The following GNA14 variants were observed in gnomAD, a reference collection of about 807,000 sequenced individuals.
GNA14 encodes G protein subunit alpha 14.
GNA14 carries 50 observed loss-of-function variants against 42.0 expected under a neutral mutation model. The ratio of observed to expected loss-of-function variants is 1.19; its 90% CI spans 0.95 to 1.51. The LOEUF (loss-of-function observed/expected upper bound fraction) is 1.51, where lower values mean the gene tolerates loss of function less well. GNA14 is among the 40% of genes most tolerant of loss of function. The pLI, the probability that GNA14 is intolerant of heterozygous loss-of-function variation, is 0.00. For missense variants in GNA14, 473 were observed against 446.2 expected, an observed-to-expected ratio of 1.06 and a Z score of -0.54; for synonymous variants, 173 against 163.1, an observed-to-expected ratio of 1.06 and a Z score of -0.46.
At position 77,476,228 on chromosome 9, in the gene GNA14, T is replaced by G. The variant is rs74959964; in HGVS notation, c.310-41706A>C. 3.4e-3 allele frequency among the ~76,000 whole-genome samples: 517 copies of G among 152,284 alleles called. 4 individuals carry two copies. The highest frequency in any genetic ancestry group is 6.8e-3 in the Middle Eastern group (2 of 294). ...GAAATGATTCAGATTTTAGATTTTC[T>G]AAAATACTGAAATGACAAAATCACA... On this transcript the variant is annotated intron_variant, in intron 2 of 6. Coordinates refer to ENST00000341700, the MANE Select transcript of GNA14 (RefSeq NM_004297.4).
At chr9:77,482,483 T>C (rs992216242) in intron 2 of GNA14, among the ~76,000 whole-genome samples, 63 of 152,198 alleles carry the variant, frequency 4.1e-4, no homozygotes, top group African/African-American at 1.4e-3. Context: ...TGGCTGCCCT[T>C]AACATTTTTT....
chr9:77,564,388 A>G (rs2131791038), intron 1 of GNA14, among the ~76,000 whole-genome samples: 1 of 152,292 alleles, frequency 6.6e-6, no homozygotes, highest in East Asian at 1.9e-4. Context: ...ACTTTAAAAA[A>G]GCTTCCCTGG....
At chr9:77,503,776 A>T (rs1837013478) in intron 2 of GNA14, among the ~76,000 whole-genome samples, 1 of 151,154 alleles carries the variant, frequency 6.6e-6, no homozygotes, top group African/African-American at 2.4e-5. Context: ...CCTCCTGAAT[A>T]GCTAGGATTA....
intron 2 of GNA14, chr9:77,517,585 C>CTTTTCTTTTTT: frequency 2.0e-5 from 1 of 48,844 alleles, no homozygotes; most frequent in African/African-American, 7.9e-5. Context: ...TATCCTGGTA[C>CTTTTCTTTTTT]TTTTCTTTTT....
At chr9:77,564,695 T>C (rs1019554394) in intron 1 of GNA14, among the ~76,000 whole-genome samples, 1 of 151,916 alleles carries the variant, frequency 6.6e-6, no homozygotes, top group Non-Finnish European at 1.5e-5. Context: ...TAGCTGGGCA[T>C]GGTGGTGTGT....
chr9:77,585,081 G>C (rs1463709355), intron 1 of GNA14, among the ~76,000 whole-genome samples: 1 of 152,090 alleles, frequency 6.6e-6, no homozygotes, highest in African/African-American at 2.4e-5. Flanking sequence ...TGGAAATGCA[G>C]CCCAGTAGGT....
At chr9:77,633,627 A>G (rs1199226165) in intron 1 of GNA14, among the ~76,000 whole-genome samples, 1 of 152,220 alleles carries the variant, frequency 6.6e-6, no homozygotes, top group Non-Finnish European at 1.5e-5. Flanking sequence ...CAATTCAGAT[A>G]GAGATGGGGG....
intron 2 of GNA14, among the ~76,000 whole-genome samples, chr9:77,453,485 A>C (rs929013335): frequency 6.6e-6 from 1 of 152,264 alleles, no homozygotes; most frequent in African/African-American, 2.4e-5. Context: ...CTTACCTGAA[A>C]ATCTTTACAT....
At chr9:77,628,651 T>G (rs932308604) in intron 1 of GNA14, among the ~76,000 whole-genome samples, 1 of 152,174 alleles carries the variant, frequency 6.6e-6, no homozygotes, top group African/African-American at 2.4e-5. Context: ...AATTCCATAT[T>G]TAATAAATAG....
intron 1 of GNA14, among the ~76,000 whole-genome samples, chr9:77,563,670 T>TC (rs1822919517): frequency 6.6e-6 from 1 of 152,188 alleles, no homozygotes; most frequent in Non-Finnish European, 1.5e-5. Flanking sequence ...TGCTGTTTTT[T>TC]TAAACAAGAT....
rs139324983 is a variant in GNA14 at position 77,566,575 on chromosome 9, A to C, written c.125-37322T>G. On this transcript the variant is annotated intron_variant, in intron 1 of 6. Coordinates refer to ENST00000341700, the MANE Select transcript of GNA14 (RefSeq NM_004297.4). ...GCCAGTGTTGTCTCCCATCAACAGG[A>C]CAAGAGAATATTCAAATTAATCTTT... 6.0e-3 allele frequency among the ~76,000 whole-genome samples: 911 copies of C among 152,322 alleles called. 7 individuals carry two copies. Among genetic ancestry groups the C allele is most frequent in the African/African-American group, 0.017 (699 of 41,560 alleles).
At chr9:77,476,278 C>T (rs1162966508) in intron 2 of GNA14, among the ~76,000 whole-genome samples, 5 of 152,092 alleles carry the variant, frequency 3.3e-5, no homozygotes, top group South Asian at 2.1e-4. Flanking sequence ...TCTCTTGGTA[C>T]GTTAAAATAG....
chr9:77,600,625 A>T (rs1420368321), intron 1 of GNA14, among the ~76,000 whole-genome samples: 1 of 152,220 alleles, frequency 6.6e-6, no homozygotes, highest in Non-Finnish European at 1.5e-5. Context: ...AGAGTGTGAA[A>T]AACAGATTAG....
chr9:77,541,203 T>C (rs1485416452), intron 1 of GNA14, among the ~76,000 whole-genome samples: 1 of 152,198 alleles, frequency 6.6e-6, no homozygotes, highest in African/African-American at 2.4e-5. Context: ...TCTTTGTGCC[T>C]TTCTTGTAGG....
intron 1 of GNA14, among the ~76,000 whole-genome samples, chr9:77,610,795 G>A (rs150554409): frequency 6.6e-5 from 10 of 152,192 alleles, no homozygotes; most frequent in African/African-American, 1.9e-4. Context: ...ATCACCTATT[G>A]CAAATATCTG....
intron 2 of GNA14, among the ~76,000 whole-genome samples, chr9:77,450,567 C>CA (rs1489873516): frequency 3.3e-5 from 5 of 151,548 alleles, no homozygotes; most frequent in Non-Finnish European, 5.9e-5. Context: ...TACAGAGCAG[C>CA]AAAAAAAATC....
chr9:77,547,517 A>C lies in GNA14; in HGVS notation c.125-18264T>G, dbSNP rs571126419. On this transcript the variant is annotated intron_variant, in intron 1 of 6. Coordinates refer to ENST00000341700, the MANE Select transcript of GNA14 (RefSeq NM_004297.4). The stretch of plus-strand genomic sequence containing the variant: ...AGGCGTAAGGAAGCAAAAGAGAACA[A>C]TCTGCAGCTTCCTTTCATTTTACCC... Among the ~76,000 whole-genome samples the C allele has an allele frequency of 2.6e-3, 391 of 152,356 alleles. 3 individuals carry two copies. The highest frequency in any genetic ancestry group is 9.1e-3 in the African/African-American group (380 of 41,590).
intron 2 of GNA14, among the ~76,000 whole-genome samples, chr9:77,471,919 AT>A (rs796075108): frequency 7.2e-5 from 11 of 152,324 alleles, no homozygotes; most frequent in African/African-American, 2.6e-4. Flanking sequence ...AAGATAAAAT[AT>A]GTATTAACTG....
intron 1 of GNA14, among the ~76,000 whole-genome samples, chr9:77,563,002 A>C (rs549799251): frequency 6.6e-6 from 1 of 152,296 alleles, no homozygotes; most frequent in African/African-American, 2.4e-5. Flanking sequence ...GGGAGCAAAC[A>C]TAGGTACCCG....
Sources: gnomAD v4.1 joint callset for allele counts (sites outside exome capture counted in the v4.1 genomes callset) on GRCh38, gnomAD v4.1.1 for gene constraint, MANE v1.5 for transcripts, NCBI Gene and HGNC (gene_info 2026-07-23, HGNC 2026-07-21) for gene names.